BMPR1A: variants seen among roughly 807,000 people sequenced by gnomAD.
The protein encoded by BMPR1A is bone morphogenetic protein receptor type 1A, also known as bone morphogenetic protein receptor type-1A.
A neutral mutation model predicts 66.0 loss-of-function variants in BMPR1A; 7 were observed. The ratio of observed to expected loss-of-function variants is 0.11; its 90% CI spans 0.06 to 0.20. The LOEUF is 0.20. BMPR1A is among the 10% of genes least tolerant of loss of function. BMPR1A has a pLI of 1.00. For synonymous variants in BMPR1A, 200 were observed against 229.7 expected (o/e 0.87, Z 1.17); for missense variants, 408 against 669.1 (o/e 0.61, Z 4.31).
intron 8 of BMPR1A, among the ~76,000 whole-genome samples, chr10:86,914,773 A>G (rs1344500943): frequency 6.6e-6 from 1 of 152,224 alleles, no homozygotes; most frequent in Non-Finnish European, 1.5e-5. Flanking sequence ...GCAAAATGGT[A>G]TGGCTATTTT....
At chr10:86,931,298 C>CACACACACACACACACACATATATAT, downstream of BMPR1A, 1 of 90,920 alleles carries the variant, frequency 1.1e-5, no homozygotes, top group African/African-American at 7.0e-5. Context: ...CACACACACA[C>CACACACACACACACACACATATATAT]ATATATATAT....
chr10:86,825,400 T>A (rs766748075), intron 1 of BMPR1A, among the ~76,000 whole-genome samples: 1 of 152,204 alleles, frequency 6.6e-6, no homozygotes, highest in Non-Finnish European at 1.5e-5. Flanking sequence ...GCTTATGATA[T>A]TGTTTCTGAA....
intron 8 of BMPR1A, 140 bp from the exon 9 acceptor site, chr10:86,916,994 A>G: frequency 1.1e-6 from 1 of 872,408 alleles, no homozygotes. Flanking sequence ...CTCCATCTCA[A>G]AAAAAAAAAA....
intron 1 of BMPR1A, among the ~76,000 whole-genome samples, chr10:86,769,904 T>C (rs1255086854): frequency 6.6e-6 from 1 of 152,036 alleles, no homozygotes; most frequent in Non-Finnish European, 1.5e-5. Context: ...GCAGTGACCT[T>C]CTTTTAGTTC....
At chr10:86,777,672 G>C (rs562570106) in intron 1 of BMPR1A, among the ~76,000 whole-genome samples, 1 of 152,050 alleles carries the variant, frequency 6.6e-6, no homozygotes, top group Non-Finnish European at 1.5e-5. Flanking sequence ...TTATACAACA[G>C]ATCTCTAGAA....
downstream of BMPR1A, chr10:86,927,995 A>G (rs1276888989): frequency 1.1e-5 from 2 of 176,658 alleles, no homozygotes; most frequent in East Asian, 9.6e-5. Flanking sequence ...TTGTGATGCT[A>G]CACTCAGACG....
intron 7 of BMPR1A, among the ~76,000 whole-genome samples, chr10:86,901,165 G>A (rs1016244923): frequency 6.6e-6 from 1 of 152,166 alleles, no homozygotes; most frequent in Non-Finnish European, 1.5e-5. Flanking sequence ...GCAGCCTGTC[G>A]GCCTTGGAAG....
chr10:86,852,553 G>A (rs535002748), intron 2 of BMPR1A, among the ~76,000 whole-genome samples: 9 of 152,240 alleles, frequency 5.9e-5, no homozygotes, highest in East Asian at 3.9e-4. Flanking sequence ...ACTACAGAGC[G>A]CAAGACCTTA....
chr10:86,797,075 T>C (rs12219049), intron 1 of BMPR1A, among the ~76,000 whole-genome samples: 11 of 94,352 alleles, frequency 1.2e-4, no homozygotes, highest in Admixed American at 1.2e-4. Context: ...TTTCTTTTTT[T>C]TTTTTTTTTG....
rs1554891019 is a variant in BMPR1A at position 86,919,189 on chromosome 10, A to G, written c.886A>G (p.Ile296Val). ...ENILGFIAAD[I>V]KGTGSWTQLY... Reference sequence around the variant, plus strand: ...CTGGACAGGTTTCATAGCGGCAGACATTAAAGGTACAGGTTCCTGGACTCA... The same window carrying G: ...CTGGACAGGTTTCATAGCGGCAGACGTTAAAGGTACAGGTTCCTGGACTCA... Residue 296 changes from isoleucine (I) to valine (V), a missense_variant, in exon 10 of 13, where the codon ATT (isoleucine) becomes GTT (valine). This residue lies in a region of BMPR1A where 174 missense variants were observed against 265.1 expected (regional missense o/e 0.66). Coordinates refer to ENST00000372037, the MANE Select transcript of BMPR1A (RefSeq NM_004329.3). 12 of 1,614,014 alleles carry G rather than the reference A, an allele frequency of 7.4e-6. No homozygotes were observed. The highest frequency in any genetic ancestry group is 1.3e-5 in the African/African-American group (1 of 75,044).
At chr10:86,765,757 T>C (rs961925459) in intron 1 of BMPR1A, among the ~76,000 whole-genome samples, 1 of 152,270 alleles carries the variant, frequency 6.6e-6, no homozygotes, top group East Asian at 1.9e-4. Context: ...TTTCAAACAA[T>C]ACAGAAATGA....
intron 2 of BMPR1A, among the ~76,000 whole-genome samples, chr10:86,864,765 C>T (rs1217414000): frequency 1.3e-5 from 2 of 152,122 alleles, no homozygotes; most frequent in Non-Finnish European, 2.9e-5. Context: ...TTTATTGGGA[C>T]CTTGTAGTTT....
chr10:86,897,694 C>T (rs909013923), intron 5 of BMPR1A, among the ~76,000 whole-genome samples: 11 of 152,134 alleles, frequency 7.2e-5, no homozygotes, highest in African/African-American at 2.4e-4. Context: ...GCAGCCTCAA[C>T]CTCCTGGGTT....
chr10:86,777,204 A>AGG (rs1564680866), intron 1 of BMPR1A, among the ~76,000 whole-genome samples: 3 of 152,118 alleles, frequency 2.0e-5, no homozygotes, highest in African/African-American at 7.2e-5. Flanking sequence ...GAGAAACCCC[A>AGG]GTTTCTCTAT....
At chr10:86,800,520 T>C (rs1841798045) in intron 1 of BMPR1A, among the ~76,000 whole-genome samples, 1 of 152,208 alleles carries the variant, frequency 6.6e-6, no homozygotes, top group African/African-American at 2.4e-5. Context: ...GTCTCCCAAG[T>C]AGCTGGGATT....
At chr10:86,777,181 T>G (rs1841363091) in intron 1 of BMPR1A, among the ~76,000 whole-genome samples, 1 of 152,186 alleles carries the variant, frequency 6.6e-6, no homozygotes, top group South Asian at 2.1e-4. Context: ...CTCACTTGCT[T>G]CATTGCTTAA....
intron 1 of BMPR1A, among the ~76,000 whole-genome samples, chr10:86,776,674 T>C (rs1841352528): frequency 6.6e-6 from 1 of 152,196 alleles, no homozygotes; most frequent in South Asian, 2.1e-4. Flanking sequence ...ATAGAAAACA[T>C]GATATTCAAT....
chr10:86,799,697 G>A (rs886229265), intron 1 of BMPR1A, among the ~76,000 whole-genome samples: 4 of 151,770 alleles, frequency 2.6e-5, no homozygotes, highest in Admixed American at 2.0e-4. Context: ...GACAACAGGC[G>A]CACATCGTCA....
At chr10:86,773,405 A>G (rs999487028) in intron 1 of BMPR1A, among the ~76,000 whole-genome samples, 1 of 152,014 alleles carries the variant, frequency 6.6e-6, no homozygotes, top group African/African-American at 2.4e-5. Context: ...CCTAGCTAAC[A>G]TATAGTGGAA....
Sources: allele counts gnomAD v4.1 joint callset (sites outside exome capture counted in the v4.1 genomes callset), GRCh38; gene constraint gnomAD v4.1.1; regional missense constraint gnomAD v4.1.1; transcripts MANE v1.5; gene names NCBI Gene and HGNC (gene_info 2026-07-23, HGNC 2026-07-21).